Variants in BABAM2 observed in about 807,000 individuals in gnomAD.
BABAM2 encodes the protein BRISC and BRCA1-A complex member 2.
Under a neutral mutation model 54.7 loss-of-function variants are expected in BABAM2, and 31 were observed. The observed-to-expected ratio is 0.57, with a 90% confidence interval of 0.43 to 0.77. BABAM2 has a LOEUF of 0.77. Ranked by LOEUF, BABAM2 falls within the 30% of genes least tolerant of loss-of-function variation. BABAM2 has a pLI of 0.00. For synonymous variants in BABAM2, 167 were observed against 162.9 expected (o/e 1.03, Z -0.19); for missense variants, 364 against 455.8 (o/e 0.80, Z 1.83).
At chr2:28,258,235 G>A (rs935629460) in intron 10 of BABAM2, among the ~76,000 whole-genome samples, 3 of 152,116 alleles carry the variant, frequency 2.0e-5, no homozygotes, top group Non-Finnish European at 2.9e-5. Context: ...CTTCTTGAAC[G>A]TAATTCAAGT....
At chr2:27,988,989 A>C (rs1672592523) in intron 4 of BABAM2, among the ~76,000 whole-genome samples, 1 of 152,206 alleles carries the variant, frequency 6.6e-6, no homozygotes, top group African/African-American at 2.4e-5. Context: ...ATTAAACAGG[A>C]AGTAGTAACC....
chr2:27,981,080 C>T (rs766417478), intron 3 of BABAM2, among the ~76,000 whole-genome samples: 8 of 151,996 alleles, frequency 5.3e-5, no homozygotes, highest in Non-Finnish European at 7.4e-5. Context: ...ATTATCCAGT[C>T]GTGTCCATTA....
chr2:28,034,060 A>G (rs538611991), intron 5 of BABAM2, among the ~76,000 whole-genome samples: 1 of 152,306 alleles, frequency 6.6e-6, no homozygotes, highest in South Asian at 2.1e-4. Flanking sequence ...AATATTGTGG[A>G]GAAAAGAAAG....
intron 4 of BABAM2, among the ~76,000 whole-genome samples, chr2:28,021,668 AAG>A (rs1427652064): frequency 1.3e-5 from 2 of 152,118 alleles, no homozygotes; most frequent in African/African-American, 4.8e-5. Context: ...ATTTTGTAGT[AAG>A]AAGTTTTTGA....
intron 7 of BABAM2, among the ~76,000 whole-genome samples, chr2:28,228,359 A>G (rs1483152717): frequency 6.6e-6 from 1 of 152,240 alleles, no homozygotes; most frequent in Non-Finnish European, 1.5e-5. Flanking sequence ...TTCTTGGACC[A>G]TCATTAAAAC....
intron 11 of BABAM2, among the ~76,000 whole-genome samples, chr2:28,317,000 G>A (rs1284601699): frequency 6.6e-6 from 1 of 152,164 alleles, no homozygotes; most frequent in Non-Finnish European, 1.5e-5. Context: ...CTTGTTGGTT[G>A]GTTTCTGGGC....
At chr2:28,038,435 A>G (rs1428219926) in intron 5 of BABAM2, among the ~76,000 whole-genome samples, 3 of 152,162 alleles carry the variant, frequency 2.0e-5, no homozygotes, top group African/African-American at 7.2e-5. Context: ...TTACAGGGTT[A>G]TGTTGTGTGA....
At chr2:28,324,110 C>G (rs1019692467) in intron 11 of BABAM2, among the ~76,000 whole-genome samples, 94 of 152,096 alleles carry the variant, frequency 6.2e-4, no homozygotes, top group Non-Finnish European at 8.8e-5. Context: ...TTTTGTAGAA[C>G]AAATGTAGGT....
At chr2:28,213,386 G>T (rs1361702414) in intron 7 of BABAM2, among the ~76,000 whole-genome samples, 4 of 152,004 alleles carry the variant, frequency 2.6e-5, no homozygotes, top group Non-Finnish European at 4.4e-5. Context: ...AAATAGAGGC[G>T]TTTGCCTACC....
chr2:28,246,325 T>C (rs1211676269), intron 10 of BABAM2, among the ~76,000 whole-genome samples: 1 of 152,260 alleles, frequency 6.6e-6, no homozygotes, highest in African/African-American at 2.4e-5. Context: ...TTAATTCCTT[T>C]GTGAAATCTC....
At chr2:27,925,793 A>T (rs1036936778) in intron 2 of BABAM2, among the ~76,000 whole-genome samples, 1 of 152,134 alleles carries the variant, frequency 6.6e-6, no homozygotes, top group Middle Eastern at 3.2e-3. Flanking sequence ...GTTCCTTTCC[A>T]GCGCCATTCT....
At chr2:28,005,844 A>G (rs917635694) in intron 4 of BABAM2, among the ~76,000 whole-genome samples, 1 of 152,128 alleles carries the variant, frequency 6.6e-6, no homozygotes, top group African/African-American at 2.4e-5. Flanking sequence ...CTTACTGCCT[A>G]GTAGCATTGT....
rs569326333 is a variant in BABAM2 at position 28,192,771 on chromosome 2, C to G, written c.681-44431C>G. 6.1e-4 allele frequency among the ~76,000 whole-genome samples: 93 copies of G among 152,082 alleles called. 1 individual carries two copies. The highest frequency in any genetic ancestry group is 2.1e-3 in the African/African-American group (86 of 41,504). On this transcript the variant is annotated intron_variant, in intron 7 of 11. Coordinates refer to ENST00000379624, the MANE Select transcript of BABAM2 (RefSeq NM_199191.3). ...TCTCCTGACCTCGTGATCCGCCCAC[C>G]TGGGCCTCCCAAAGTGCTGTGATTA... is the stretch of plus-strand genomic sequence containing the variant.
chr2:28,198,748 TTAAG>T (rs1245918806), intron 7 of BABAM2, among the ~76,000 whole-genome samples: 1 of 152,180 alleles, frequency 6.6e-6, no homozygotes, highest in Non-Finnish European at 1.5e-5. Context: ...CTTCAGCCCT[TTAAG>T]TAAGCAGAGA....
Position 28,266,875 on chromosome 2 carries a change from G to C in BABAM2, c.934+22013G>C, listed in dbSNP as rs907826687. ...GTAGGTGTAAGAAATAGTACAAAAG[G>C]CTGGGTGCAGTGGCTCACGCCTGTA... On this transcript the variant is annotated intron_variant, in intron 10 of 11. Coordinates refer to ENST00000379624, the MANE Select transcript of BABAM2 (RefSeq NM_199191.3). 8.5e-5 allele frequency among the ~76,000 whole-genome samples: 13 copies of C among 152,260 alleles called. No individual in the cohort carries two copies. In the East Asian group the frequency reaches 2.5e-3, roughly 29 times the overall value.
At chr2:27,891,276 C>T (rs1017691007) in intron 1 of BABAM2, among the ~76,000 whole-genome samples, 3 of 152,200 alleles carry the variant, frequency 2.0e-5, no homozygotes, top group Non-Finnish European at 4.4e-5. Context: ...CGACGTGACG[C>T]AGCAGGATGC....
chr2:28,246,514 C>T (rs1030943757), intron 10 of BABAM2, among the ~76,000 whole-genome samples: 4 of 152,136 alleles, frequency 2.6e-5, no homozygotes, highest in Admixed American at 1.3e-4. Context: ...CTGGGCCTTA[C>T]CTCAAATGAT....
chr2:28,093,351 G>A (rs1050950848), intron 6 of BABAM2, among the ~76,000 whole-genome samples: 18 of 152,168 alleles, frequency 1.2e-4, no homozygotes, highest in Admixed American at 1.3e-4. Flanking sequence ...TGCTCAGAGT[G>A]TCATAGCTAG....
intron 11 of BABAM2, among the ~76,000 whole-genome samples, chr2:28,328,814 C>T (rs1020205834): frequency 1.3e-5 from 2 of 152,210 alleles, no homozygotes; most frequent in African/African-American, 2.4e-5. Flanking sequence ...GTGTTGTGAG[C>T]ACCACCTTTG....
Sources: gnomAD v4.1 joint callset for allele counts (sites outside exome capture counted in the v4.1 genomes callset) on GRCh38, gnomAD v4.1.1 for gene constraint, MANE v1.5 for transcripts, NCBI Gene and HGNC (gene_info 2026-07-23, HGNC 2026-07-21) for gene names.